TUSC3: variants seen among roughly 807,000 people sequenced by gnomAD.
TUSC3 encodes tumor suppressor candidate 3, also known as dolichyl-diphosphooligosaccharide--protein glycosyltransferase subunit TUSC3.
TUSC3 carries 45 observed loss-of-function variants against 44.8 expected under a neutral mutation model. The ratio of observed to expected loss-of-function variants is 1.00; its 90% CI spans 0.79 to 1.29. The LOEUF (loss-of-function observed/expected upper bound fraction) is 1.29. Among genes scored for constraint, TUSC3 ranks in the 50% most tolerant of loss-of-function variants. TUSC3 has a pLI of 0.00. For synonymous variants in TUSC3, 212 were observed against 152.9 expected, an observed-to-expected ratio of 1.39 and a Z score of -2.85; for missense variants, 519 against 437.9, an observed-to-expected ratio of 1.19 and a Z score of -1.65.
chr8:15,731,308 T>C (rs1810711817), intron 7 of TUSC3, among the ~76,000 whole-genome samples: 1 of 152,140 alleles, frequency 6.6e-6, no homozygotes, highest in Admixed American at 6.6e-5. Flanking sequence ...GCATCTAATG[T>C]GAATATTCTT....
intron 6 of TUSC3, among the ~76,000 whole-genome samples, chr8:15,730,135 AATCAACTGTT>A (rs1810658260): frequency 6.6e-6 from 1 of 152,148 alleles, no homozygotes; most frequent in East Asian, 1.9e-4. Context: ...GATTTTCTAT[AATCAACTGTT>A]ATCAACTATA....
intron 1 of TUSC3, among the ~76,000 whole-genome samples, chr8:15,429,882 A>G (rs1799851105): frequency 6.6e-6 from 1 of 151,758 alleles, no homozygotes; most frequent in African/African-American, 2.4e-5. Context: ...AAAATCTAGA[A>G]GAAATGGATA....
At chr8:15,568,677 A>C (rs1802760645) in intron 1 of TUSC3, among the ~76,000 whole-genome samples, 3 of 149,706 alleles carry the variant, frequency 2.0e-5, no homozygotes, top group South Asian at 4.2e-4. Flanking sequence ...ATCTTAGCGC[A>C]CTGCAACTTC....
the TUSC3 span, among the ~76,000 whole-genome samples, chr8:15,786,475 T>A: frequency 6.6e-6 from 1 of 152,218 alleles, no homozygotes; most frequent in Admixed American, 6.5e-5. Flanking sequence ...AAATTGAGAA[T>A]TCTTGTTTTT....
intron 8 of TUSC3, among the ~76,000 whole-genome samples, chr8:15,747,788 A>G (rs755581869): frequency 1.1e-4 from 17 of 152,180 alleles, no homozygotes; most frequent in Non-Finnish European, 2.2e-4. Context: ...TGACACTACT[A>G]CCTGCCATGG....
chr8:15,753,976 G>A (rs182992008), intron 9 of TUSC3, among the ~76,000 whole-genome samples: 6 of 152,220 alleles, frequency 3.9e-5, no homozygotes, highest in African/African-American at 7.2e-5. Flanking sequence ...TGATAAAGAA[G>A]AGAAAGACCT....
chr8:15,675,872 T>C (rs1417233444), intron 6 of TUSC3, among the ~76,000 whole-genome samples: 2 of 152,190 alleles, frequency 1.3e-5, no homozygotes, highest in African/African-American at 2.4e-5. Context: ...ATCTTTGGTA[T>C]TGAGAATAAT....
chr8:15,540,825 G>A (rs893089976), intron 1 of TUSC3, among the ~76,000 whole-genome samples: 5 of 152,200 alleles, frequency 3.3e-5, no homozygotes, highest in African/African-American at 7.2e-5. Flanking sequence ...GACCCAGGGC[G>A]CCTTTATTCC....
At chr8:15,790,963 C>T in the TUSC3 span, among the ~76,000 whole-genome samples, 1 of 151,952 alleles carries the variant, frequency 6.6e-6, no homozygotes, top group African/African-American at 2.4e-5. Context: ...AGGCATGGTT[C>T]AATTTGCATT....
chr8:15,797,355 CTTTTTTTT>C, the TUSC3 span, among the ~76,000 whole-genome samples: 7 of 151,658 alleles, frequency 4.6e-5, no homozygotes, highest in Non-Finnish European at 5.9e-5. Flanking sequence ...TTCTTTTTTT[CTTTTTTTT>C]GGCTTTGAGG....
the TUSC3 span, among the ~76,000 whole-genome samples, chr8:15,814,935 T>C: frequency 6.6e-6 from 1 of 152,170 alleles, no homozygotes; most frequent in South Asian, 2.1e-4. Flanking sequence ...GGGAGAAATA[T>C]AAAACATGTT....
chr8:15,592,965 T>G (rs946346328), intron 1 of TUSC3, among the ~76,000 whole-genome samples: 1 of 152,206 alleles, frequency 6.6e-6, no homozygotes, highest in Non-Finnish European at 1.5e-5. Context: ...CACTTAGCTA[T>G]AGTGCTTATG....
At chr8:15,782,519 T>G in the TUSC3 span, among the ~76,000 whole-genome samples, 794 of 152,314 alleles carry the variant, frequency 5.2e-3, 10 homozygotes, top group Non-Finnish European at 7.9e-3. Context: ...TATACTCATA[T>G]ATTAAACATT....
intron 7 of TUSC3, among the ~76,000 whole-genome samples, chr8:15,741,238 A>G (rs948408286): frequency 6.6e-6 from 1 of 152,158 alleles, no homozygotes; most frequent in African/African-American, 2.4e-5. Flanking sequence ...AAACTGTCAT[A>G]CATTTTATTT....
chr8:15,730,207 T>G (rs1405431124), intron 6 of TUSC3, among the ~76,000 whole-genome samples: 2 of 152,160 alleles, frequency 1.3e-5, no homozygotes, highest in African/African-American at 4.8e-5. Flanking sequence ...TGAAAAAATT[T>G]AAATGCTATA....
intron 6 of TUSC3, among the ~76,000 whole-genome samples, chr8:15,674,131 C>G (rs1489546450): frequency 6.6e-6 from 1 of 151,988 alleles, no homozygotes; most frequent in African/African-American, 2.4e-5. Context: ...ATGGCGATAA[C>G]ATGTAACCCC....
intron 2 of TUSC3, among the ~76,000 whole-genome samples, chr8:15,532,179 T>TACTTTTGCTG (rs1801459573): frequency 6.6e-6 from 1 of 152,182 alleles, no homozygotes; most frequent in African/African-American, 2.4e-5. Context: ...CCTTTTTACT[T>TACTTTTGCTG]ACTTTTGCTG....
intron 6 of TUSC3, among the ~76,000 whole-genome samples, chr8:15,677,547 C>T (rs1808245445): frequency 6.6e-6 from 1 of 152,168 alleles, no homozygotes; most frequent in African/African-American, 2.4e-5. Flanking sequence ...TGTTCTTCTT[C>T]TGTAAAATGA....
the TUSC3 span, among the ~76,000 whole-genome samples, chr8:15,827,237 G>A: frequency 6.6e-6 from 1 of 152,268 alleles, no homozygotes; most frequent in South Asian, 2.1e-4. Flanking sequence ...ATCTATTAGG[G>A]AGCACTAACA....
Sources: gnomAD v4.1 joint callset for allele counts (sites outside exome capture counted in the v4.1 genomes callset) on GRCh38, gnomAD v4.1.1 for gene constraint, MANE v1.5 for transcripts, NCBI Gene and HGNC (gene_info 2026-07-23, HGNC 2026-07-21) for gene names.